B4GALNT3: variants seen among roughly 807,000 people sequenced by gnomAD.
B4GALNT3 encodes the protein beta-1,4-N-acetylgalactosaminyltransferase 3.
In B4GALNT3, 86 loss-of-function variants were observed where a neutral mutation model predicts 120.2. The ratio of observed to expected loss-of-function variants is 0.72; its 90% CI spans 0.60 to 0.86. B4GALNT3 has a LOEUF of 0.86. B4GALNT3 is among the 40% of genes least tolerant of loss of function. The pLI is 0.00. For synonymous variants in B4GALNT3, 518 were observed against 510.4 expected (o/e 1.01, Z -0.20); for missense variants, 1,167 against 1,298.9 (o/e 0.90, Z 1.56).
rs1946057970 is a variant in B4GALNT3 at position 464,554 on chromosome 12, C to T, written c.169+4009C>T. On this transcript the variant is annotated intron_variant, in intron 1 of 19. Transcript: ENST00000266383. ...AGGCTGAGGCAGGAGAATTGCTTAA[C>T]TCAGGAGGCAGAGGTTGCAGTGAGC... Among the ~76,000 whole-genome samples, 3 of 152,036 alleles carry T rather than the reference C, an allele frequency of 2.0e-5. No individual in the cohort carries two copies. In the South Asian group the frequency reaches 6.2e-4, roughly 32 times the overall value.
chr12:460,511 G>C lies in B4GALNT3; in HGVS notation c.135G>C (p.Ala45=), dbSNP rs771608042. The C allele has an allele frequency of 1.3e-6, 2 of 1,557,412 alleles. No individual in the cohort carries two copies. Among genetic ancestry groups the C allele is most frequent in the African/African-American group, 1.4e-5 (1 of 71,852 alleles). The change falls in exon 1 of 20, where the codon GCG becomes GCC. Residue 45 remains alanine, a synonymous_variant. Coordinates refer to ENST00000266383, the MANE Select transcript of B4GALNT3 (RefSeq NM_173593.4). This position sits in a 1 kb window ranked among gnomAD's most constrained non-coding sequence, Gnocchi z 8.0. ...GGACTCTGTATCTGGAACTGGTGGC[G>C]TCGGCCCAGGTCGGCGGGAACCCCC... ...GLWTLYLELV[A]SAQVGGNPLN...
chr12:558,519 C>T lies in B4GALNT3; in HGVS notation c.2619C>T (p.Ser873=), dbSNP rs1947187161. ...AGIDLVKDPH[S]IIFLCDLHIH... Reference sequence around the variant, plus strand: ...ACATCTGTCCCCAGGACCCGCACAGCATCATCTTCCTCTGTGACCTCCACA... The same window carrying T: ...ACATCTGTCCCCAGGACCCGCACAGTATCATCTTCCTCTGTGACCTCCACA... The change falls in exon 18 of 20, where the codon AGC becomes AGT. Residue 873 remains serine, a synonymous_variant. Coordinates refer to ENST00000266383, the MANE Select transcript of B4GALNT3 (RefSeq NM_173593.4). 1 of 1,613,976 alleles carries T rather than the reference C, an allele frequency of 6.2e-7. No individual in the cohort carries two copies. Among genetic ancestry groups the T allele is most frequent in the Non-Finnish European group, 8.5e-7 (1 of 1,179,980 alleles).
intron 3 of B4GALNT3, chr12:543,123 C>G: frequency 7.8e-7 from 1 of 1,289,454 alleles, no homozygotes; most frequent in Non-Finnish European, 1.0e-6. Context: ...ATGGGAGGTC[C>G]AGGGAGAGTA....
chr12:502,536 G>A (rs1388464885), intron 1 of B4GALNT3, among the ~76,000 whole-genome samples: 3 of 130,664 alleles, frequency 2.3e-5, no homozygotes, highest in East Asian at 4.3e-4. Context: ...CAAAGGGATT[G>A]GAAAGAGAAA....
At position 553,334 on chromosome 12, in the gene B4GALNT3, C is replaced by A. The variant is rs750396265; in HGVS notation, c.1411C>A (p.Arg471Ser). The change falls in exon 14 of 20, where the codon CGC (arginine) becomes AGC (serine). Residue 471 changes from arginine to serine, a missense_variant. By Grantham distance (110) the Arg-to-Ser change is moderately radical. Transcript: ENST00000266383. ...STLEQDATDY[R>S]LRSLRKLLAQ... Reference sequence around the variant, plus strand: ...CCTGGAGCAAGATGCCACTGACTACCGCCTCCGAAGCCTGCGGAAACTCCT... The same window carrying A: ...CCTGGAGCAAGATGCCACTGACTACAGCCTCCGAAGCCTGCGGAAACTCCT... 7 of 1,613,650 alleles carry A rather than the reference C, an allele frequency of 4.3e-6. No homozygotes were observed. The African/African-American group carries it at 9.3e-5, about 22-fold the overall frequency.
intron 1 of B4GALNT3, among the ~76,000 whole-genome samples, chr12:507,980 C>T (rs559305015): frequency 7.9e-5 from 12 of 152,272 alleles, no homozygotes; most frequent in African/African-American, 2.6e-4. Flanking sequence ...CCAGTAGTAG[C>T]TTGGTGGACA....
chr12:514,418 C>T (rs887503802), intron 1 of B4GALNT3, among the ~76,000 whole-genome samples: 7 of 151,706 alleles, frequency 4.6e-5, no homozygotes, highest in South Asian at 2.1e-4. Context: ...AGGATGGTCT[C>T]GATCTACTGA....
chr12:521,961 C>T (rs1946714442), intron 1 of B4GALNT3, among the ~76,000 whole-genome samples: 1 of 126,990 alleles, frequency 7.9e-6, no homozygotes, highest in Admixed American at 7.9e-5. Context: ...CAGGCCCGCT[C>T]AGAAGTTCTT....
intron 1 of B4GALNT3, among the ~76,000 whole-genome samples, chr12:521,668 T>C (rs760313120): frequency 6.6e-6 from 1 of 152,204 alleles, no homozygotes; most frequent in Non-Finnish European, 1.5e-5. Flanking sequence ...ACCACGGGGT[T>C]CAGAACATCC....
chr12:499,080 A>G (rs1173306660), intron 1 of B4GALNT3, among the ~76,000 whole-genome samples: 1 of 152,180 alleles, frequency 6.6e-6, no homozygotes, highest in African/African-American at 2.4e-5. Flanking sequence ...TTCATAATGT[A>G]TAATTTGAGA....
intron 3 of B4GALNT3, chr12:543,113 A>G (rs1056090854): frequency 2.3e-6 from 3 of 1,289,224 alleles, no homozygotes; most frequent in African/African-American, 3.0e-5. Context: ...CCCTTCCTGC[A>G]TGGGAGGTCC....
intron 3 of B4GALNT3, among the ~76,000 whole-genome samples, chr12:540,202 C>G (rs1043433045): frequency 6.6e-6 from 1 of 152,210 alleles, no homozygotes; most frequent in Non-Finnish European, 1.5e-5. Context: ...TGCCTTCGTG[C>G]GCCTCTGAAC....
intron 1 of B4GALNT3, among the ~76,000 whole-genome samples, chr12:481,707 T>C (rs925941938): frequency 2.0e-5 from 3 of 152,158 alleles, no homozygotes; most frequent in African/African-American, 7.2e-5. Context: ...CCCAGGCAGC[T>C]GGGCTGGATG....
chr12:556,436 A>G, intron 14 of B4GALNT3, 111 bp from the exon 15 acceptor site: 1 of 1,087,070 alleles, frequency 9.2e-7, no homozygotes, highest in Non-Finnish European at 1.3e-6. Context: ...TGGCAAAGCT[A>G]GGACAAAAAC....
At position 553,693 on chromosome 12, in the gene B4GALNT3, G is replaced by A. The variant is rs1565611078; in HGVS notation, c.1770G>A (p.Glu590=). The A allele has an allele frequency of 6.2e-7, 1 of 1,613,888 alleles. No individual in the cohort carries two copies. Among genetic ancestry groups the A allele is most frequent in the Non-Finnish European group, 8.5e-7 (1 of 1,179,762 alleles). Residue 590 remains glutamate (E), a synonymous_variant, in exon 14 of 20, where the codon GAG becomes GAA. Transcript: ENST00000266383. Reference sequence around the variant, plus strand: ...CCCCTGGAAGGGGCTGGCATGGGGAGGAGGAAGTGGTGGCGGCCGCAGGCC... The same window carrying A: ...CCCCTGGAAGGGGCTGGCATGGGGAAGAGGAAGTGGTGGCGGCCGCAGGCC... The part of the protein sequence containing the change: ...PQAPGRGWHG[E]EEVVAAAGQE...
intron 19 of B4GALNT3, among the ~76,000 whole-genome samples, chr12:560,745 T>C (rs1009967268): frequency 2.0e-5 from 3 of 152,230 alleles, no homozygotes; most frequent in Non-Finnish European, 4.4e-5. Flanking sequence ...GCACGGCTCC[T>C]GTACAGCCCT....
At chr12:470,814 C>T (rs1490594813) in intron 1 of B4GALNT3, among the ~76,000 whole-genome samples, 1 of 152,116 alleles carries the variant, frequency 6.6e-6, no homozygotes, top group African/African-American at 2.4e-5. Flanking sequence ...TCTCGGCTCA[C>T]TCTAACCTAC....
intron 1 of B4GALNT3, among the ~76,000 whole-genome samples, chr12:515,828 G>GA (rs1368158579): frequency 6.6e-6 from 1 of 152,042 alleles, no homozygotes; most frequent in African/African-American, 2.4e-5. Flanking sequence ...TGGGCATAAT[G>GA]AAAAAAGTAG....
chr12:473,235 T>C (rs890487304), intron 1 of B4GALNT3, among the ~76,000 whole-genome samples: 13 of 151,908 alleles, frequency 8.6e-5, no homozygotes, highest in African/African-American at 3.1e-4. Flanking sequence ...CCCAAAGTGC[T>C]GAGATTACAG....
Sources: gnomAD v4.1 joint callset for allele counts (sites outside exome capture counted in the v4.1 genomes callset) on GRCh38, gnomAD v4.1.1 for gene constraint, Gnocchi (gnomAD v3.1) non-coding constraint, MANE v1.5 for transcripts, NCBI Gene and HGNC (gene_info 2026-07-23, HGNC 2026-07-21) for gene names.